NBN: variants seen among roughly 807,000 people sequenced by gnomAD.
NBN encodes the protein nibrin, also known as Nijmegen breakage syndrome 1 (nibrin).
Under a neutral mutation model 90.8 loss-of-function variants are expected in NBN, and 88 were observed. The ratio of observed to expected loss-of-function variants is 0.97; its 90% CI spans 0.82 to 1.16. NBN has a LOEUF of 1.16. Among genes scored for constraint, NBN ranks in the 50% most tolerant of loss-of-function variants. The pLI, the probability that NBN is intolerant of heterozygous loss-of-function variation, is 0.00. For missense variants in NBN, 894 were observed against 869.6 expected, an observed-to-expected ratio of 1.03 and a Z score of -0.35; for synonymous variants, 328 against 295.1, an observed-to-expected ratio of 1.11 and a Z score of -1.14.
At chr8:89,941,165 T>C (rs73696842) in intron 14 of NBN, among the ~76,000 whole-genome samples, 2,037 of 152,180 alleles carry the variant, frequency 0.013, 38 homozygotes, top group African/African-American at 0.047. Flanking sequence ...ATTTAAAATA[T>C]ATAATAGAAA....
At chr8:89,959,200 A>G (rs538399858) in intron 8 of NBN, among the ~76,000 whole-genome samples, 3 of 152,236 alleles carry the variant, frequency 2.0e-5, no homozygotes, top group Non-Finnish European at 4.4e-5. Flanking sequence ...GAAAGTGTAT[A>G]CACCCTACCA....
intron 4 of NBN, among the ~76,000 whole-genome samples, chr8:89,980,434 AAC>A (rs1384563974): frequency 1.3e-5 from 2 of 151,966 alleles, no homozygotes; most frequent in African/African-American, 4.8e-5. Context: ...TAAGACTGAA[AAC>A]ACAAAGTATG....
At chr8:89,959,757 A>C (rs950150195) in intron 8 of NBN, among the ~76,000 whole-genome samples, 2 of 152,222 alleles carry the variant, frequency 1.3e-5, no homozygotes, top group African/African-American at 4.8e-5. Context: ...ACAACAACAA[A>C]AAAGCAATAA....
rs570752346 is a variant in NBN, at chr8:89,936,116, GTC to G, written c.2235-506_2235-505del. 1.5e-3 allele frequency: 534 copies of G among 347,938 alleles called. 6 individuals carry two copies. Among genetic ancestry groups the G allele is most frequent in the African/African-American group, 0.012 (495 of 39,984 alleles). 21.6% of individuals were successfully genotyped at this position (347,938 alleles called of 1,614,324 possible). On this transcript the variant is annotated intron_variant, in intron 15 of 15. Coordinates refer to ENST00000265433, the MANE Select transcript of NBN (RefSeq NM_002485.5). ...TTTTTTTTTTTTTTTTTGAGATGGA[GTC>G]TCTCTCTGGAGTGCAGTGGCGCGAT...
chr8:89,952,962 A>G (rs955528188), intron 11 of NBN, among the ~76,000 whole-genome samples: 4 of 152,144 alleles, frequency 2.6e-5, no homozygotes, highest in Admixed American at 2.6e-4. Context: ...CATCTCCTAC[A>G]CTTATCATCA....
At chr8:89,975,235 T>C (rs1225825680) in intron 5 of NBN, among the ~76,000 whole-genome samples, 1 of 152,244 alleles carries the variant, frequency 6.6e-6, no homozygotes, top group Non-Finnish European at 1.5e-5. Context: ...ATAGCTGTAC[T>C]AAATAGGACT....
rs188951964 is a variant in NBN, at chr8:89,936,462, T to C, written c.2234+564A>G. The stretch of plus-strand genomic sequence containing the variant: ...TCAAAAATAATTTCTTCATTCTGTC[T>C]TCTCCCCTGATATCTACCTATAATA... On this transcript the variant is annotated intron_variant, in intron 15 of 15. Transcript: ENST00000265433. Among the ~76,000 whole-genome samples, 153 of 152,328 alleles carry C rather than the reference T, an allele frequency of 1.0e-3. 1 individual carries two copies. Among genetic ancestry groups the C allele is most frequent in the Admixed American group, 9.5e-3 (146 of 15,306 alleles).
At chr8:89,936,957 T>C in intron 15 of NBN, 69 bp downstream of exon 15, 1 of 1,271,444 alleles carries the variant, frequency 7.9e-7, no homozygotes. Context: ...AATTCTTAAT[T>C]TCTATGAACA....
intron 6 of NBN, 56 bp from the exon 7 acceptor site, chr8:89,970,613 T>A: frequency 6.6e-7 from 1 of 1,505,946 alleles, no homozygotes; most frequent in Non-Finnish European, 9.2e-7. Context: ...TTTGAACACA[T>A]AAGAATTTGA....
At position 89,946,306 on chromosome 8, in the gene NBN, GT is replaced by G; in HGVS notation, c.1915-12del. On this transcript the variant is annotated splice_polypyrimidine_tract_variant and intron_variant, in intron 12 of 15. Transcript: ENST00000265433. The stretch of plus-strand genomic sequence containing the variant: ...AAGTTTGTCATTGTTCTTAAATGGG[GT>G]TAAGATGGATAGGTAAGAAAGAGAA... The G allele has an allele frequency of 6.4e-7, 1 of 1,564,804 alleles. No homozygotes were observed. The highest frequency in any genetic ancestry group is 8.8e-7 in the Non-Finnish European group (1 of 1,135,926).
intron 3 of NBN, 95 bp from the exon 4 acceptor site, chr8:89,980,988 T>G (rs1486080584): frequency 9.5e-7 from 1 of 1,051,988 alleles, no homozygotes; most frequent in African/African-American, 1.6e-5. Context: ...CATCATATAC[T>G]GTTATTGTAA....
intron 8 of NBN, 76 bp from the exon 9 acceptor site, chr8:89,958,930 T>TA (rs1810864354): frequency 1.3e-6 from 2 of 1,561,782 alleles, no homozygotes; most frequent in African/African-American, 2.7e-5. Flanking sequence ...TTAAAATTGT[T>TA]AGACTATACC....
intron 2 of NBN, 127 bp downstream of exon 2, chr8:89,982,595 T>TA: frequency 1.2e-6 from 1 of 857,170 alleles, no homozygotes; most frequent in Non-Finnish European, 2.0e-6. Flanking sequence ...TTGTTAACAT[T>TA]AAAAAAGTCT....
Position 89,951,244 on chromosome 8 carries a change from G to A in NBN, c.1845+2000C>T, listed in dbSNP as rs573345075. On this transcript the variant is annotated intron_variant, in intron 11 of 15. Coordinates refer to ENST00000265433, the MANE Select transcript of NBN (RefSeq NM_002485.5). The stretch of plus-strand genomic sequence containing the variant: ...GGAGAATGGCGTGAACCCGGGAGGC[G>A]GAGCTTGCAGTGAGCGGAGATCACG... 7.4e-4 allele frequency among the ~76,000 whole-genome samples: 111 copies of A among 149,994 alleles called. 2 individuals carry two copies. Among genetic ancestry groups the A allele is most frequent in the Non-Finnish European group, 1.4e-3 (93 of 67,654 alleles).
intron 14 of NBN, among the ~76,000 whole-genome samples, chr8:89,942,195 C>G (rs753527155): frequency 1.6e-4 from 24 of 152,264 alleles, no homozygotes; most frequent in Admixed American, 4.6e-4. Flanking sequence ...CATCTTCATT[C>G]TGGCACTTAG....
chr8:89,944,091 T>G (rs886529340), intron 13 of NBN, among the ~76,000 whole-genome samples: 7 of 152,150 alleles, frequency 4.6e-5, no homozygotes, highest in African/African-American at 1.7e-4. Flanking sequence ...TTGGAGGGTT[T>G]TTTGTTTGTT....
intron 9 of NBN, among the ~76,000 whole-genome samples, chr8:89,956,331 C>T (rs1810716157): frequency 6.6e-6 from 1 of 151,850 alleles, no homozygotes; most frequent in African/African-American, 2.4e-5. Context: ...AGGTTTAATA[C>T]AGTGATATCT....
chr8:89,967,045 T>C (rs1586080516), intron 7 of NBN, among the ~76,000 whole-genome samples: 2 of 152,362 alleles, frequency 1.3e-5, no homozygotes, highest in East Asian at 3.9e-4. Flanking sequence ...TCATTCAGTG[T>C]CATTTCATTA....
At chr8:89,944,076 T>C (rs1354802770) in intron 13 of NBN, among the ~76,000 whole-genome samples, 2 of 152,040 alleles carry the variant, frequency 1.3e-5, no homozygotes, top group African/African-American at 4.8e-5. Context: ...CGCTATGTCA[T>C]TGATTTGGAG....
Sources: gnomAD v4.1 joint callset for allele counts (sites outside exome capture counted in the v4.1 genomes callset) on GRCh38, gnomAD v4.1.1 for gene constraint, MANE v1.5 for transcripts, NCBI Gene and HGNC (gene_info 2026-07-23, HGNC 2026-07-21) for gene names.